The following USP40 variants were observed in gnomAD, a reference collection of about 807,000 sequenced individuals.
The protein encoded by USP40 is ubiquitin carboxyl-terminal hydrolase 40.
A neutral mutation model predicts 166.2 loss-of-function variants in USP40; 143 were observed. The observed-to-expected ratio is 0.86, with a 90% CI of 0.75 to 0.99. The LOEUF (loss-of-function observed/expected upper bound fraction) is 0.99. Ranked by LOEUF, USP40 falls within the 50% of genes least tolerant of loss-of-function variation. The probability of loss-of-function intolerance (pLI) is 0.00; values close to 1 mark genes in which losing one functional copy is unlikely to be tolerated. For synonymous variants in USP40, 498 were observed against 524.0 expected (o/e 0.95, Z 0.68); for missense variants, 1,444 against 1,479.7 (o/e 0.98, Z 0.40).
intron 18 of USP40, among the ~76,000 whole-genome samples, chr2:233,514,303 C>T (rs1440816976): frequency 6.6e-6 from 1 of 152,124 alleles, no homozygotes; most frequent in Non-Finnish European, 1.5e-5. Flanking sequence ...TAGGAGAGTA[C>T]ATCAGCAAGA....
intron 24 of USP40, among the ~76,000 whole-genome samples, chr2:233,495,691 A>C (rs933999443): frequency 6.6e-6 from 1 of 152,088 alleles, no homozygotes; most frequent in African/African-American, 2.4e-5. Context: ...ATGCAGAGAA[A>C]AGCAGCTGCC....
intron 10 of USP40, among the ~76,000 whole-genome samples, chr2:233,534,404 TCTCA>T (rs2125283677): frequency 6.6e-6 from 1 of 152,310 alleles, no homozygotes; most frequent in Admixed American, 6.5e-5. Context: ...GCCCCTATCC[TCTCA>T]CTCTTTAACC....
rs537069495 is a variant in USP40, at chr2:233,480,747, C to G, written c.3599+456G>C. On this transcript the variant is annotated intron_variant, in intron 31 of 31. Transcript: ENST00000678225. This position sits in a 1 kb window ranked among gnomAD's most constrained non-coding sequence, Gnocchi z 4.5. ...AGGAAGTGGGGTAGCAGCCCTGAAG[C>G]CACAGCAGCGTCCCCTGGAGTGGCC... 6.6e-6 allele frequency among the ~76,000 whole-genome samples: 1 copy of G among 152,186 alleles called. No homozygotes were observed. The highest frequency in any genetic ancestry group is 1.5e-5 in the Non-Finnish European group (1 of 68,034).
At position 233,482,553 on chromosome 2, in the gene USP40, T is replaced by A. The variant is rs1007136775; in HGVS notation, c.3505-1256A>T. ...ACTAACACCAAACTGCTCTCCAGAG[T>A]AGCTGTACCAACTTGTGTTCCCACT... is the stretch of plus-strand genomic sequence containing the variant. On this transcript the variant is annotated intron_variant, in intron 30 of 31. Transcript: ENST00000678225. Among the ~76,000 whole-genome samples, 3 of 151,596 alleles carry A rather than the reference T, an allele frequency of 2.0e-5. No individual in the cohort carries two copies. In the East Asian group the frequency reaches 5.8e-4, roughly 29 times the overall value.
chr2:233,542,312 C>T lies in USP40; in HGVS notation c.1018G>A (p.Glu340Lys). 6.4e-7 allele frequency: 1 copy of T among 1,561,018 alleles called. No homozygotes were observed. The change falls in exon 9 of 32, where the codon GAG becomes AAG. Residue 340 changes from glutamate to lysine, a missense_variant. By Grantham distance (56) the Glu-to-Lys change is moderately conservative. Coordinates refer to ENST00000678225, the MANE Select transcript of USP40 (RefSeq NM_001365479.2). ...VNLKDLQSEE[E>K]IDHPLMILKA... Reference sequence around the variant, plus strand: ...AGAATCATCAGTGGATGATCAATCTCTTCTTCACTCTGGAGATCTTTCAGA... The same window carrying T: ...AGAATCATCAGTGGATGATCAATCTTTTCTTCACTCTGGAGATCTTTCAGA...
intron 21 of USP40, among the ~76,000 whole-genome samples, chr2:233,503,977 G>A (rs187204240): frequency 6.6e-6 from 1 of 152,158 alleles, no homozygotes; most frequent in Admixed American, 6.5e-5. Flanking sequence ...AGTGGCTAAG[G>A]ACACAATAAA....
At chr2:233,565,698 G>A (rs2072081765) in intron 1 of USP40, 125 bp from the exon 2 acceptor site, 7 of 870,410 alleles carry the variant, frequency 8.0e-6, no homozygotes, top group Non-Finnish European at 1.2e-5. Flanking sequence ...TCTATGTACA[G>A]TAGTTGGGTT....
intron 9 of USP40, among the ~76,000 whole-genome samples, chr2:233,541,212 T>C (rs1299911514): frequency 6.6e-6 from 1 of 152,238 alleles, no homozygotes; most frequent in East Asian, 1.9e-4. Flanking sequence ...GACTGAATTG[T>C]ATCTCCCCAA....
intron 3 of USP40, chr2:233,561,053 T>C (rs1025972488): frequency 3.1e-6 from 4 of 1,276,504 alleles, no homozygotes; most frequent in African/African-American, 3.0e-5. Context: ...AAGAGCATAT[T>C]TGATAATTAA....
chr2:233,539,618 A>C (rs2069211040), intron 10 of USP40, among the ~76,000 whole-genome samples: 1 of 152,148 alleles, frequency 6.6e-6, no homozygotes, highest in African/African-American at 2.4e-5. Flanking sequence ...CAACAATATA[A>C]CTATAATCAA....
chr2:233,549,667 A>G (rs1025792179), intron 7 of USP40, among the ~76,000 whole-genome samples: 1 of 151,890 alleles, frequency 6.6e-6, no homozygotes, highest in African/African-American at 2.4e-5. Context: ...ATATATATCT[A>G]GTTGAAATTG....
intron 25 of USP40, among the ~76,000 whole-genome samples, chr2:233,491,693 AG>A (rs2125070306): frequency 6.6e-6 from 1 of 152,212 alleles, no homozygotes; most frequent in African/African-American, 2.4e-5. Context: ...AATTTTCAAG[AG>A]GAGGCAGGCC....
At chr2:233,546,865 G>C (rs1372348388) in intron 8 of USP40, 2 of 152,142 alleles carry the variant, frequency 1.3e-5, no homozygotes, top group African/African-American at 2.4e-5. Flanking sequence ...TTGAGGGAAG[G>C]TATAACAACA....
intron 21 of USP40, among the ~76,000 whole-genome samples, chr2:233,503,421 A>G (rs974716821): frequency 4.6e-5 from 7 of 152,212 alleles, no homozygotes; most frequent in African/African-American, 1.2e-4. Context: ...AGATCCAGAA[A>G]GCTCACAGGT....
Position 233,511,751 on chromosome 2 carries a change from A to G in USP40, c.2484T>C (p.Ser828=). The part of the protein sequence containing the change: ...TLKEAELKMG[S]SLGLCLGKAP... ...CTTTTCCAAGACACAGTCCCAATGAACTTCCCATCTTCAATTCTGCTTCCT... is the reference window on the plus strand; with the variant it reads ...CTTTTCCAAGACACAGTCCCAATGAGCTTCCCATCTTCAATTCTGCTTCCT... The change falls in exon 20 of 32, where the codon AGT becomes AGC. Residue 828 remains serine (S), a synonymous_variant. Transcript: ENST00000678225. The G allele has an allele frequency of 1.2e-6, 2 of 1,612,396 alleles. No individual in the cohort carries two copies. The highest frequency in any genetic ancestry group is 1.1e-5 in the South Asian group (1 of 90,564).
chr2:233,504,139 G>A (rs1233030799), intron 21 of USP40, among the ~76,000 whole-genome samples: 1 of 151,786 alleles, frequency 6.6e-6, no homozygotes, highest in Non-Finnish European at 1.5e-5. Flanking sequence ...TAACCACAAA[G>A]AAAGACATGA....
rs1485218938 is a variant in USP40, at chr2:233,551,417, T to C, written c.796A>G (p.Thr266Ala). Residue 266 changes from threonine (T) to alanine (A), a missense_variant, in exon 7 of 32, where the codon ACA becomes GCA. Thr to Ala is a moderately conservative substitution (Grantham distance 58). Transcript: ENST00000678225. ...TTGAGATTAATCCGGAGAGGGAATG[T>C]ATAACAGCTAGTTTCCTTGTAGCGT... ...CERYKETSCY[T>A]FPLRINLKPF... The C allele has an allele frequency of 6.2e-6, 10 of 1,612,400 alleles. No individual in the cohort carries two copies. Among genetic ancestry groups the C allele is most frequent in the Non-Finnish European group, 8.5e-6 (10 of 1,179,176 alleles).
intron 21 of USP40, 57 bp downstream of exon 21, chr2:233,509,992 T>C (rs1044042040): frequency 5.9e-5 from 82 of 1,382,446 alleles, no homozygotes; most frequent in Non-Finnish European, 7.9e-5. Context: ...CCACTGTTCC[T>C]CACAGCAAAC....
chr2:233,487,960 T>C (rs1056764854), intron 28 of USP40: 1 of 627,348 alleles, frequency 1.6e-6, no homozygotes, highest in African/African-American at 1.8e-5. Flanking sequence ...CAGCTGCGGG[T>C]GGGCCTCTTG....
Sources: allele counts gnomAD v4.1 joint callset (sites outside exome capture counted in the v4.1 genomes callset), GRCh38; gene constraint gnomAD v4.1.1; non-coding constraint Gnocchi (gnomAD v3.1); transcripts MANE v1.5; gene names NCBI Gene and HGNC (gene_info 2026-07-23, HGNC 2026-07-21).